The following NRXN3 variants were observed in gnomAD, a reference collection of about 807,000 sequenced individuals.
NRXN3 encodes neurexin 3.
Under a neutral mutation model 137.6 loss-of-function variants are expected in NRXN3, and 32 were observed. The observed-to-expected ratio is 0.23, with a 90% CI of 0.18 to 0.31. NRXN3 has a LOEUF of 0.31. Ranked by LOEUF, NRXN3 falls within the 10% of genes least tolerant of loss-of-function variation. The pLI, the probability that NRXN3 is intolerant of heterozygous loss-of-function variation, is 1.00. For synonymous variants in NRXN3, 798 were observed against 784.5 expected, an observed-to-expected ratio of 1.02 and a Z score of -0.29; for missense variants, 1,574 against 2,062.5, an observed-to-expected ratio of 0.76 and a Z score of 4.59.
chr14:78,462,713 T>C (rs2094959422), intron 4 of NRXN3, among the ~76,000 whole-genome samples: 1 of 152,234 alleles, frequency 6.6e-6, no homozygotes, highest in Admixed American at 6.5e-5. Context: ...ATAGCTATAA[T>C]TAAATATAAT....
intron 15 of NRXN3, among the ~76,000 whole-genome samples, chr14:79,448,081 G>C (rs1199779730): frequency 6.6e-6 from 1 of 152,304 alleles, no homozygotes; most frequent in South Asian, 2.1e-4. Flanking sequence ...TCTGTCTTCT[G>C]CTATCATTTG....
At chr14:78,512,354 GA>G (rs2096125103) in intron 4 of NRXN3, among the ~76,000 whole-genome samples, 1 of 152,124 alleles carries the variant, frequency 6.6e-6, no homozygotes, top group Non-Finnish European at 1.5e-5. Flanking sequence ...AACAAAGGCT[GA>G]TACAGAAAGG....
At chr14:79,696,392 A>G (rs1322883053) in intron 18 of NRXN3, among the ~76,000 whole-genome samples, 1 of 152,062 alleles carries the variant, frequency 6.6e-6, no homozygotes, top group Non-Finnish European at 1.5e-5. Flanking sequence ...GAATGAGTGG[A>G]GCGTTGTTTG....
At chr14:79,711,747 T>C (rs1480699994) in intron 19 of NRXN3, among the ~76,000 whole-genome samples, 2 of 152,214 alleles carry the variant, frequency 1.3e-5, no homozygotes, top group Non-Finnish European at 2.9e-5. Flanking sequence ...TGCCTTTGAC[T>C]ATTGAAGCCA....
chr14:79,445,764 G>A (rs955854537), intron 15 of NRXN3, among the ~76,000 whole-genome samples: 5 of 152,194 alleles, frequency 3.3e-5, no homozygotes, highest in African/African-American at 1.2e-4. Flanking sequence ...GTAGTGCAGT[G>A]AGCAAAAGGA....
chr14:79,124,149 A>G (rs1267327810), intron 15 of NRXN3, among the ~76,000 whole-genome samples: 2 of 152,186 alleles, frequency 1.3e-5, no homozygotes, highest in African/African-American at 2.4e-5. Context: ...TCAGCGCTCA[A>G]TATAATGCCC....
intron 15 of NRXN3, among the ~76,000 whole-genome samples, chr14:79,107,907 A>G (rs1473993282): frequency 1.3e-5 from 2 of 152,190 alleles, no homozygotes; most frequent in Non-Finnish European, 2.9e-5. Flanking sequence ...AGCCAAATAT[A>G]TATTTTATTT....
intron 4 of NRXN3, among the ~76,000 whole-genome samples, chr14:78,312,350 C>T (rs1250713929): frequency 6.6e-6 from 1 of 152,140 alleles, no homozygotes; most frequent in Admixed American, 6.5e-5. Flanking sequence ...TGAAGTAAGA[C>T]GGTGACACCA....
chr14:79,135,026 G>T (rs374811551), intron 15 of NRXN3, among the ~76,000 whole-genome samples: 2 of 152,036 alleles, frequency 1.3e-5, no homozygotes, highest in Admixed American at 6.5e-5. Flanking sequence ...TGCCACTAAG[G>T]CTAAAACACC....
chr14:79,557,924 C>T (rs2097447438), intron 16 of NRXN3, among the ~76,000 whole-genome samples: 1 of 152,148 alleles, frequency 6.6e-6, no homozygotes, highest in Non-Finnish European at 1.5e-5. Context: ...AACCCAGCTG[C>T]TCCCTTATCA....
At chr14:79,304,188 C>T (rs987284053) in intron 15 of NRXN3, among the ~76,000 whole-genome samples, 20 of 151,978 alleles carry the variant, frequency 1.3e-4, no homozygotes, top group African/African-American at 4.8e-4. Flanking sequence ...AGGTGTGTGT[C>T]TCCTGGCCCC....
At chr14:79,134,669 A>AT (rs938610545) in intron 15 of NRXN3, among the ~76,000 whole-genome samples, 2 of 152,090 alleles carry the variant, frequency 1.3e-5, no homozygotes, top group Non-Finnish European at 2.9e-5. Context: ...CACTTTGTCA[A>AT]TTTTTTTCTT....
chr14:78,529,183 G>A (rs920707683), intron 4 of NRXN3, among the ~76,000 whole-genome samples: 1 of 152,172 alleles, frequency 6.6e-6, no homozygotes, highest in African/African-American at 2.4e-5. Flanking sequence ...AACTGTACAA[G>A]TCAGTTTAGC....
rs992014543 is a variant in NRXN3 at position 79,059,345 on chromosome 14, C to T, written c.3262+71204C>T. Among the ~76,000 whole-genome samples, 3 of 149,434 alleles carry T rather than the reference C, an allele frequency of 2.0e-5. No homozygotes were observed. The Admixed American group carries it at 2.0e-4, about 10-fold the overall frequency. On this transcript the variant is annotated intron_variant, in intron 15 of 20. Transcript: ENST00000335750. The stretch of plus-strand genomic sequence containing the variant: ...CCATCTCGGCTCACTGCAAGCTCCG[C>T]CTCCCGGGTTCATGCCATTCTCCTG...
intron 4 of NRXN3, among the ~76,000 whole-genome samples, chr14:78,536,800 C>T (rs2096540711): frequency 6.7e-6 from 1 of 149,728 alleles, no homozygotes; most frequent in Non-Finnish European, 1.5e-5. Context: ...TGTTCCCCGG[C>T]CTGTGTCCAA....
intron 6 of NRXN3, among the ~76,000 whole-genome samples, chr14:78,670,295 A>C (rs1319479624): frequency 1.3e-5 from 2 of 152,172 alleles, no homozygotes; most frequent in Non-Finnish European, 2.9e-5. Flanking sequence ...AGTCCTTGCT[A>C]TTGTGAATAG....
chr14:79,801,550 G>GCACACACACACACACACACACACA (rs370807630), intron 19 of NRXN3, among the ~76,000 whole-genome samples: 2 of 152,042 alleles, frequency 1.3e-5, no homozygotes, highest in African/African-American at 4.8e-5. Flanking sequence ...GTGTGTGCAC[G>GCACACACACACACACACACACACA]CACACACACA....
At chr14:79,755,764 T>G (rs975561654) in intron 19 of NRXN3, among the ~76,000 whole-genome samples, 6 of 152,170 alleles carry the variant, frequency 3.9e-5, no homozygotes, top group Non-Finnish European at 5.9e-5. Context: ...GGAATTGAAT[T>G]CTTGGAAATC....
intron 19 of NRXN3, among the ~76,000 whole-genome samples, chr14:79,755,056 A>G (rs571214907): frequency 3.0e-4 from 45 of 152,254 alleles, no homozygotes; most frequent in Non-Finnish European, 5.4e-4. Flanking sequence ...ATCTTTATAG[A>G]AGTGTGAGAA....
Sources: gnomAD v4.1 joint callset for allele counts (sites outside exome capture counted in the v4.1 genomes callset) on GRCh38, gnomAD v4.1.1 for gene constraint, MANE v1.5 for transcripts, NCBI Gene and HGNC (gene_info 2026-07-23, HGNC 2026-07-21) for gene names.